Variants in SLC26A1 observed in about 807,000 individuals in gnomAD.
SLC26A1 encodes the protein solute carrier family 26 member 1.
Under a neutral mutation model 14.5 loss-of-function variants are expected in SLC26A1, and 18 were observed. That is an observed-to-expected ratio of 1.24 (90% CI 0.86 to 1.84). The LOEUF (loss-of-function observed/expected upper bound fraction) is 1.84. Among genes scored for constraint, SLC26A1 ranks in the 40% most tolerant of loss-of-function variants. SLC26A1 has a pLI of 0.00. For synonymous variants in SLC26A1, 505 were observed against 492.0 expected (o/e 1.03, Z -0.35); for missense variants, 1,049 against 1,020.0 (o/e 1.03, Z -0.39).
Position 990,158 on chromosome 4 carries a change from C to G in SLC26A1, c.781G>C (p.Val261Leu), listed in dbSNP as rs139938830. 2.6e-6 allele frequency: 4 copies of G among 1,563,332 alleles called. No homozygotes were observed. Among genetic ancestry groups the G allele is most frequent in the Non-Finnish European group, 3.5e-6 (4 of 1,155,062 alleles). Reference protein sequence around the residue: ...SLLRGAGQANVCDVVTSTVCL... With the variant: ...SLLRGAGQANLCDVVTSTVCL... ...ACCGTGCTGGTGACCACGTCGCACA[C>G]GTTGGCCTGCCCGGCGCCGCGCAGC... The change falls in exon 3 of 3, where the codon GTG becomes CTG. Residue 261 changes from valine to leucine, a missense_variant. Val to Leu is a conservative substitution (Grantham distance 32). Coordinates refer to ENST00000398516, the MANE Select transcript of SLC26A1 (RefSeq NM_022042.4).
At position 989,360 on chromosome 4, in the gene SLC26A1, CTG is replaced by C. The variant is rs1553915228; in HGVS notation, c.1577_1578del (p.Thr526ArgfsTer8). The C allele has an allele frequency of 4.4e-6, 7 of 1,592,672 alleles. No individual in the cohort carries two copies. In the East Asian group the frequency reaches 1.6e-4, roughly 36 times the overall value. On this transcript the variant is annotated frameshift_variant, in exon 3 of 3. Transcript: ENST00000398516. LOFTEE classifies it low-confidence loss of function (END_TRUNC). ...IGDTAFYEDA[T>X]EFEGLVPEPG... ...GGCTCAGGGACGAGGCCCTCGAACT[CTG>C]TGGCATCCTCGTAGAAGGCCGTGTC...
At chr4:984,908 T>C (rs1303125306), downstream of SLC26A1, among the ~76,000 whole-genome samples, 1 of 148,328 alleles carries the variant, frequency 6.7e-6, no homozygotes, top group Admixed American at 6.6e-5. Flanking sequence ...GTCCCCATCA[T>C]GCACTTTGTA....
chr4:991,320 C>G lies in SLC26A1; in HGVS notation c.384G>C (p.Leu128=). ...CCACCTGCCCCACCATGAGGCAAAG[C>G]AGGCTGAAGATGCCCACGGAGACAT... ...SRHVSVGIFS[L]LCLMVGQVVD... The change falls in exon 2 of 3, where the codon CTG becomes CTC. Residue 128 remains leucine (L), a synonymous_variant. Transcript: ENST00000398516. 1.2e-6 allele frequency: 2 copies of G among 1,612,844 alleles called. No individual in the cohort carries two copies. The highest frequency in any genetic ancestry group is 1.7e-6 in the Non-Finnish European group (2 of 1,179,938).
rs1311241863 is a variant in SLC26A1, at chr4:988,134, A to G, written c.*699T>C. 8.5e-6 allele frequency: 12 copies of G among 1,410,102 alleles called. No homozygotes were observed. The highest frequency in any genetic ancestry group is 1.1e-5 in the Non-Finnish European group (12 of 1,084,288). The allele number at this position is 1,410,102 out of a possible 1,614,324, so 87.3% of individuals were successfully genotyped here. A position where few individuals can be genotyped will look rare whatever the true frequency, so the allele number is the denominator to read the frequency against. ...GCTGTGTGCTGGAGGGAGCCCCTGC[A>G]TGGGGCACGGTGGGCTTCCTGCAGG... On this transcript the variant is annotated 3_prime_UTR_variant, in exon 3 of 3. Coordinates refer to ENST00000398516, the MANE Select transcript of SLC26A1 (RefSeq NM_022042.4).
chr4:983,938 C>T (rs1330332335), downstream of SLC26A1, among the ~76,000 whole-genome samples: 2 of 152,348 alleles, frequency 1.3e-5, no homozygotes, highest in East Asian at 1.9e-4. Context: ...AATTCTCCTG[C>T]CTCAGCCTCC....
At chr4:987,260 T>TC, downstream of SLC26A1, 1 of 1,513,770 alleles carries the variant, frequency 6.6e-7, no homozygotes, top group Non-Finnish European at 8.8e-7. Context: ...CTCCGCGGCC[T>TC]CCGGGACCCC....
chr4:991,365 G>A lies in SLC26A1; in HGVS notation c.339C>T (p.Phe113=), dbSNP rs764940131. ...YTSFFANLIY[F]LMGTSRHVSV... is the part of the protein sequence containing the mutation. Reference sequence around the variant, plus strand: ...AGACATGCCGTGAGGTGCCCATGAGGAAGTAGATGAGGTTGGCGAAGAAGG... The same window carrying A: ...AGACATGCCGTGAGGTGCCCATGAGAAAGTAGATGAGGTTGGCGAAGAAGG... The change falls in exon 2 of 3, where the codon TTC becomes TTT. Residue 113 remains phenylalanine (F), a synonymous_variant. Coordinates refer to ENST00000398516, the MANE Select transcript of SLC26A1 (RefSeq NM_022042.4). The A allele has an allele frequency of 5.6e-6, 9 of 1,612,892 alleles. No individual in the cohort carries two copies. The highest frequency in any genetic ancestry group is 7.6e-6 in the Non-Finnish European group (9 of 1,179,960).
downstream of SLC26A1, among the ~76,000 whole-genome samples, chr4:986,480 G>T (rs1448608213): frequency 6.6e-6 from 1 of 152,174 alleles, no homozygotes; most frequent in African/African-American, 2.4e-5. Context: ...TCTGTAAATA[G>T]CTGTTATACT....
chr4:985,126 T>C (rs1244669922), downstream of SLC26A1, among the ~76,000 whole-genome samples: 1 of 152,276 alleles, frequency 6.6e-6, no homozygotes, highest in Non-Finnish European at 1.5e-5. Flanking sequence ...GGTTTACCTT[T>C]GCTTTTAGGG....
At chr4:992,557 G>T (rs1396417193) in intron 1 of SLC26A1, among the ~76,000 whole-genome samples, 1 of 152,212 alleles carries the variant, frequency 6.6e-6, no homozygotes, top group Non-Finnish European at 1.5e-5. Context: ...ACTGGCGTCT[G>T]TCTCCCCTGC....
At chr4:985,633 G>A (rs757086178), downstream of SLC26A1, among the ~76,000 whole-genome samples, 1 of 151,942 alleles carries the variant, frequency 6.6e-6, no homozygotes, top group Non-Finnish European at 1.5e-5. Context: ...GTACTTGCAT[G>A]GTTTCTCTCG....
At chr4:987,111 G>A (rs1053327776), downstream of SLC26A1, 1 of 1,445,644 alleles carries the variant, frequency 6.9e-7, no homozygotes, top group Non-Finnish European at 9.1e-7. Flanking sequence ...CCCGCGCCGC[G>A]CTGCTGGCGC....
chr4:991,045 C>A (rs1714256438), intron 2 of SLC26A1, 83 bp downstream of exon 2: 2 of 1,355,180 alleles, frequency 1.5e-6, no homozygotes, highest in Admixed American at 2.8e-5. Context: ...CCTGTGCTTG[C>A]CCCCAGCCTT....
chr4:982,040 C>T (rs1174863107), intron 2 of SLC26A1, among the ~76,000 whole-genome samples: 1 of 152,100 alleles, frequency 6.6e-6, no homozygotes. Context: ...AGGATGGTCT[C>T]TATCTCCTGA....
chr4:986,874 G>A (rs1287914015), downstream of SLC26A1: 2 of 656,764 alleles, frequency 3.0e-6, no homozygotes, highest in African/African-American at 3.6e-5. Flanking sequence ...CAGCCCCTGA[G>A]GCCCGCAAGG....
Position 988,342 on chromosome 4 carries a change from A to G in SLC26A1, c.*491T>C. On this transcript the variant is annotated 3_prime_UTR_variant, in exon 3 of 3. Coordinates refer to ENST00000398516, the MANE Select transcript of SLC26A1 (RefSeq NM_022042.4). ...TGCAGGTGGCCACCCTGTGAGGGGGAGGCACGAGGTGTGAGGGGCACTTGG... is the reference window on the plus strand; with the variant it reads ...TGCAGGTGGCCACCCTGTGAGGGGGGGGCACGAGGTGTGAGGGGCACTTGG... 1 of 1,083,412 alleles carries G rather than the reference A, an allele frequency of 9.2e-7. No individual in the cohort carries two copies. Among genetic ancestry groups the G allele is most frequent in the Non-Finnish European group, 1.1e-6 (1 of 890,788 alleles). The allele number at this position is 1,083,412 out of a possible 1,614,324, so 67.1% of individuals were successfully genotyped here.
downstream of SLC26A1, chr4:986,674 T>A: frequency 2.3e-6 from 1 of 428,122 alleles, no homozygotes; most frequent in Admixed American, 2.5e-5. Flanking sequence ...AGAAAATCGC[T>A]GAAGCCCCGG....
chr4:988,991 T>TGCAGCAGGCTA lies in SLC26A1; in HGVS notation c.1937_1947dup (p.Ser650Ter). 4.4e-6 allele frequency: 7 copies of TGCAGCAGGCTA among 1,593,130 alleles called. No individual in the cohort carries two copies. The highest frequency in any genetic ancestry group is 6.0e-6 in the Non-Finnish European group (7 of 1,170,500). On this transcript the variant is annotated stop_gained and frameshift_variant, in exon 3 of 3. Coordinates refer to ENST00000398516, the MANE Select transcript of SLC26A1 (RefSeq NM_022042.4). LOFTEE classifies it low-confidence loss of function (END_TRUNC). ...CTCAGAATGTCTCTCACAGGCGGGC[T>TGCAGCAGGCTA]GCAGCAGGCTAGCAGCAGGCTGATG...
In SLC26A1 at chr4:989,468, G is replaced by C; in HGVS notation, c.1471C>G (p.Leu491Val). The change falls in exon 3 of 3, where the codon CTG becomes GTG. Residue 491 changes from leucine (L) to valine (V), a missense_variant. Leu to Val is a conservative substitution (Grantham distance 32). Transcript: ENST00000398516. ...AGCAGCGAGAGGATGACGCCAGCCA[G>C]CAGCCCGGCCTCTGTGCTGACCAGC... ...CMLVSTEAGL[L>V]AGVILSLLSL... is the part of the protein sequence containing the mutation. 6.4e-7 allele frequency: 1 copy of C among 1,554,012 alleles called. No individual in the cohort carries two copies. Among genetic ancestry groups the C allele is most frequent in the Non-Finnish European group, 8.7e-7 (1 of 1,149,156 alleles).
Sources: gnomAD v4.1 joint callset for allele counts (sites outside exome capture counted in the v4.1 genomes callset) on GRCh38, gnomAD v4.1.1 for gene constraint, MANE v1.5 for transcripts, NCBI Gene and HGNC (gene_info 2026-07-23, HGNC 2026-07-21) for gene names.